The following APBA1 variants were observed in gnomAD, a reference collection of about 807,000 sequenced individuals.
APBA1 encodes amyloid-beta A4 precursor protein-binding family A member 1.
In APBA1, 55 loss-of-function variants were observed where a neutral mutation model predicts 86.6. That is an observed-to-expected ratio of 0.64 (90% CI 0.51 to 0.80). The LOEUF is 0.80. Among genes scored for constraint, APBA1 ranks in the 30% least tolerant of loss-of-function variants. The probability of loss-of-function intolerance (pLI) is 0.00; values close to 1 mark genes in which losing one functional copy is unlikely to be tolerated. For missense variants in APBA1, 1,090 were observed against 1,183.0 expected (o/e 0.92, Z 1.15); for synonymous variants, 511 against 493.9 (o/e 1.03, Z -0.46).
At chr9:69,532,497 C>T (rs1019791558) in intron 1 of APBA1, among the ~76,000 whole-genome samples, 13 of 152,214 alleles carry the variant, frequency 8.5e-5, no homozygotes. Context: ...TGTGTGTTAA[C>T]TGCTATCTCT....
chr9:69,540,951 G>T (rs1382049595), intron 1 of APBA1, among the ~76,000 whole-genome samples: 1 of 152,112 alleles, frequency 6.6e-6, no homozygotes, highest in Non-Finnish European at 1.5e-5. Context: ...TACAGTATTT[G>T]TTTTTCTGTG....
intron 2 of APBA1, among the ~76,000 whole-genome samples, chr9:69,483,234 G>A (rs1023648520): frequency 1.3e-5 from 2 of 151,696 alleles, no homozygotes; most frequent in Non-Finnish European, 2.9e-5. Flanking sequence ...TGTTGGCAAT[G>A]TTTGACAAAA....
intron 1 of APBA1, among the ~76,000 whole-genome samples, chr9:69,632,291 A>G (rs1378605451): frequency 6.6e-6 from 1 of 152,134 alleles, no homozygotes; most frequent in Non-Finnish European, 1.5e-5. Context: ...CAAATATCTA[A>G]TTATCAACAG....
chr9:69,505,679 T>C (rs1471334379), intron 2 of APBA1, among the ~76,000 whole-genome samples: 1 of 152,118 alleles, frequency 6.6e-6, no homozygotes, highest in African/African-American at 2.4e-5. Context: ...TGTTCTCGAA[T>C]GATTCTGTTG....
intron 1 of APBA1, among the ~76,000 whole-genome samples, chr9:69,534,438 T>C (rs1377558868): frequency 6.6e-6 from 1 of 152,212 alleles, no homozygotes; most frequent in Admixed American, 6.5e-5. Context: ...TCTCTTTCAC[T>C]ATAAATGCGG....
intron 1 of APBA1, among the ~76,000 whole-genome samples, chr9:69,581,271 C>T (rs1821908730): frequency 6.6e-6 from 1 of 152,182 alleles, no homozygotes; most frequent in African/African-American, 2.4e-5. Context: ...ATGGCCACTA[C>T]TATTATTTCT....
intron 1 of APBA1, among the ~76,000 whole-genome samples, chr9:69,637,206 G>A (rs2134004552): frequency 6.6e-6 from 1 of 152,258 alleles, no homozygotes; most frequent in South Asian, 2.1e-4. Context: ...TAGAATGAAA[G>A]CTGCAAGAGG....
intron 1 of APBA1, among the ~76,000 whole-genome samples, chr9:69,529,863 C>T (rs992727704): frequency 1.3e-5 from 2 of 152,166 alleles, no homozygotes; most frequent in South Asian, 4.2e-4. Flanking sequence ...AAGCAAACAA[C>T]TCAATTAAAA....
chr9:69,658,772 T>C (rs1412523871), intron 1 of APBA1, among the ~76,000 whole-genome samples: 3 of 152,066 alleles, frequency 2.0e-5, no homozygotes, highest in African/African-American at 7.2e-5. Context: ...TTGGGAGGGC[T>C]GCACTTGCTT....
chr9:69,431,208 G>A lies in APBA1; in HGVS notation c.*119C>T. On this transcript the variant is annotated 3_prime_UTR_variant, in exon 13 of 13. Transcript: ENST00000265381. ...GGTCCTTGTGGATTCTTCTCTTCCTGTGTAAAACCAAATGCTGGGCGCGAG... is the reference window on the plus strand; with the variant it reads ...GGTCCTTGTGGATTCTTCTCTTCCTATGTAAAACCAAATGCTGGGCGCGAG... 4.7e-6 allele frequency: 3 copies of A among 637,308 alleles called. No individual in the cohort carries two copies. Among genetic ancestry groups the A allele is most frequent in the Non-Finnish European group, 5.3e-6 (2 of 380,396 alleles). 39.5% of individuals were successfully genotyped at this position (637,308 alleles called of 1,614,324 possible).
chr9:69,566,117 T>A (rs1294749027), intron 1 of APBA1, among the ~76,000 whole-genome samples: 1 of 152,194 alleles, frequency 6.6e-6, no homozygotes, highest in African/African-American at 2.4e-5. Flanking sequence ...AGCCAAAAAA[T>A]CTAGAAATCC....
chr9:69,487,902 C>T (rs1172387917), intron 2 of APBA1, among the ~76,000 whole-genome samples: 2 of 152,136 alleles, frequency 1.3e-5, no homozygotes, highest in Admixed American at 1.3e-4. Flanking sequence ...GTCAACTGGT[C>T]TTCTGTTGAC....
chr9:69,490,069 C>A (rs1185408097), intron 2 of APBA1, among the ~76,000 whole-genome samples: 1 of 152,064 alleles, frequency 6.6e-6, no homozygotes, highest in Non-Finnish European at 1.5e-5. Context: ...AGACTTGGAA[C>A]CAACCCAAAT....
intron 2 of APBA1, among the ~76,000 whole-genome samples, chr9:69,495,246 A>G (rs1265755109): frequency 1.3e-5 from 2 of 152,152 alleles, no homozygotes; most frequent in African/African-American, 4.8e-5. Context: ...GTCAAGGGAA[A>G]TGCAGAGACC....
At chr9:69,584,823 T>C (rs1455230772) in intron 1 of APBA1, among the ~76,000 whole-genome samples, 1 of 152,076 alleles carries the variant, frequency 6.6e-6, no homozygotes, top group African/African-American at 2.4e-5. Context: ...ACTCTTAGAG[T>C]AACTAACAAA....
At chr9:69,570,979 C>T (rs1417269567) in intron 1 of APBA1, among the ~76,000 whole-genome samples, 1 of 152,188 alleles carries the variant, frequency 6.6e-6, no homozygotes, top group Non-Finnish European at 1.5e-5. Context: ...TCACTTCTTA[C>T]ATTGACAAAG....
chr9:69,528,139 C>T (rs930339856), intron 1 of APBA1, among the ~76,000 whole-genome samples: 13 of 152,056 alleles, frequency 8.5e-5, no homozygotes, highest in African/African-American at 3.1e-4. Context: ...AATAAAAGGA[C>T]AGAAGCCAAT....
intron 1 of APBA1, among the ~76,000 whole-genome samples, chr9:69,626,694 A>ATC (rs1344897705): frequency 6.6e-5 from 10 of 152,118 alleles, no homozygotes; most frequent in African/African-American, 1.9e-4. Flanking sequence ...ACTTGGCCAA[A>ATC]TCTCTTGGAG....
intron 11 of APBA1, 23 bp from the exon 12 acceptor site, chr9:69,432,699 T>C: frequency 6.5e-7 from 1 of 1,532,458 alleles, no homozygotes; most frequent in Non-Finnish European, 8.7e-7. Flanking sequence ...AAGGCAGAGT[T>C]ACCCTCATTG....
Sources: allele counts gnomAD v4.1 joint callset (sites outside exome capture counted in the v4.1 genomes callset), GRCh38; gene constraint gnomAD v4.1.1; transcripts MANE v1.5; gene names NCBI Gene and HGNC (gene_info 2026-07-23, HGNC 2026-07-21).